The following ESR1 variants were observed in gnomAD, a reference collection of about 807,000 sequenced individuals.
The protein encoded by ESR1 is estrogen receptor.
In ESR1, 12 loss-of-function variants were observed where a neutral mutation model predicts 52.7. The observed-to-expected ratio is 0.23, with a 90% CI of 0.15 to 0.37. The LOEUF (loss-of-function observed/expected upper bound fraction) is 0.37. Among genes scored for constraint, ESR1 ranks in the 10% least tolerant of loss-of-function variants. The pLI, the probability that ESR1 is intolerant of heterozygous loss-of-function variation, is 1.00. For missense variants in ESR1, 584 were observed against 779.7 expected (o/e 0.75, Z 2.99); for synonymous variants, 305 against 316.8 (o/e 0.96, Z 0.39).
chr6:151,861,942 A>G (rs1351239110), intron 2 of ESR1, among the ~76,000 whole-genome samples: 1 of 152,190 alleles, frequency 6.6e-6, no homozygotes, highest in Non-Finnish European at 1.5e-5. Flanking sequence ...CTTAAGGGTA[A>G]AAATGGATTG....
At chr6:151,888,995 C>T (rs1447044981) in intron 3 of ESR1, among the ~76,000 whole-genome samples, 2 of 152,100 alleles carry the variant, frequency 1.3e-5, no homozygotes, top group Non-Finnish European at 2.9e-5. Flanking sequence ...GTTGAACCAT[C>T]GTTGCATCCC....
intron 6 of ESR1, among the ~76,000 whole-genome samples, chr6:152,074,606 ACACT>A (rs368500274): frequency 2.6e-5 from 4 of 152,286 alleles, no homozygotes; most frequent in African/African-American, 9.6e-5. Context: ...TTTTGGATAA[ACACT>A]CAGGAGCACA....
intron 2 of ESR1, among the ~76,000 whole-genome samples, chr6:151,772,698 G>T (rs569121395): frequency 3.0e-4 from 46 of 152,170 alleles, no homozygotes; most frequent in South Asian, 6.2e-4. Flanking sequence ...GAAAATCCCG[G>T]TTAGCAAATC....
chr6:151,789,366 A>G (rs578174042), intron 2 of ESR1, among the ~76,000 whole-genome samples: 2 of 152,366 alleles, frequency 1.3e-5, no homozygotes, highest in Admixed American at 1.3e-4. Context: ...ACATGTATCA[A>G]TACAATAGCA....
At chr6:151,724,077 G>A (rs1275447432) in intron 2 of ESR1, among the ~76,000 whole-genome samples, 4 of 152,118 alleles carry the variant, frequency 2.6e-5, no homozygotes, top group East Asian at 3.9e-4. Context: ...GTGGGGGCAG[G>A]GGCATGAGCA....
At chr6:151,759,079 A>G (rs1784474605) in intron 2 of ESR1, among the ~76,000 whole-genome samples, 1 of 151,996 alleles carries the variant, frequency 6.6e-6, no homozygotes, top group African/African-American at 2.4e-5. Context: ...GATCAAGACA[A>G]TCCTGGCCAA....
chr6:151,714,575 C>A (rs8180576), intron 2 of ESR1, among the ~76,000 whole-genome samples: 6,180 of 152,208 alleles, frequency 0.041, 560 homozygotes, highest in East Asian at 0.35. Flanking sequence ...GCATTGATAC[C>A]TTTACCATTA....
chr6:151,849,585 A>G (rs1785898333), intron 2 of ESR1, among the ~76,000 whole-genome samples: 1 of 151,898 alleles, frequency 6.6e-6, no homozygotes, highest in Admixed American at 6.6e-5. Context: ...TGGAGGTTGC[A>G]GTGAGCTGAG....
intron 3 of ESR1, among the ~76,000 whole-genome samples, chr6:151,896,544 T>C (rs1795535807): frequency 6.6e-6 from 1 of 152,200 alleles, no homozygotes; most frequent in Non-Finnish European, 1.5e-5. Context: ...TCCTGTTTGT[T>C]TCTAATTGAG....
At chr6:151,686,302 A>G (rs1053985408), upstream of ESR1, among the ~76,000 whole-genome samples, 14 of 152,074 alleles carry the variant, frequency 9.2e-5, no homozygotes, top group Non-Finnish European at 1.6e-4. Flanking sequence ...GTCATTGAGG[A>G]TGGGTCATAT....
At chr6:151,669,159 A>AGAGAGAGAGAGAGAGAGAGAGAGAGAGAG in intron 1 of ESR1, among the ~76,000 whole-genome samples, 1 of 123,120 alleles carries the variant, frequency 8.1e-6, no homozygotes, top group East Asian at 2.3e-4. Context: ...AGAGAGAGAG[A>AGAGAGAGAGAGAGAGAGAGAGAGAGAGAG]GAGAGAGAGA....
intron 4 of ESR1, among the ~76,000 whole-genome samples, chr6:151,954,354 T>C (rs1432169827): frequency 6.6e-6 from 1 of 152,186 alleles, no homozygotes; most frequent in African/African-American, 2.4e-5. Context: ...GCCTTGTCCT[T>C]TTAGTCTAGG....
intron 3 of ESR1, among the ~76,000 whole-genome samples, chr6:151,943,940 C>T (rs2035409314): frequency 6.6e-6 from 1 of 152,246 alleles, no homozygotes. Context: ...GTGGTATTTA[C>T]ACCATGAAAA....
intron 1 of ESR1, among the ~76,000 whole-genome samples, chr6:151,699,501 G>A (rs918371977): frequency 6.6e-6 from 1 of 152,172 alleles, no homozygotes; most frequent in African/African-American, 2.4e-5. Flanking sequence ...ACATCTGTGA[G>A]CTTAAACCTT....
chr6:151,915,292 G>A (rs1185875699), intron 3 of ESR1, among the ~76,000 whole-genome samples: 1 of 152,034 alleles, frequency 6.6e-6, no homozygotes, highest in Admixed American at 6.6e-5. Context: ...TACCAAGAAT[G>A]CATGGAATTC....
At chr6:151,752,299 A>AC (rs2128079892) in intron 2 of ESR1, among the ~76,000 whole-genome samples, 1 of 152,338 alleles carries the variant, frequency 6.6e-6, no homozygotes, top group African/African-American at 2.4e-5. Context: ...AATAAAGAAA[A>AC]ATTAGCAATG....
intron 3 of ESR1, among the ~76,000 whole-genome samples, chr6:151,909,561 G>T (rs536230914): frequency 6.6e-6 from 1 of 152,334 alleles, no homozygotes; most frequent in Non-Finnish European, 1.5e-5. Flanking sequence ...CAGGATGTCT[G>T]ACTATAAAGG....
intron 1 of ESR1, among the ~76,000 whole-genome samples, chr6:151,658,694 T>G (rs1777537458): frequency 8.2e-6 from 1 of 122,296 alleles, no homozygotes; most frequent in Non-Finnish European, 1.8e-5. Context: ...ACAGGAGATA[T>G]CATATCTTAG....
At chr6:151,694,434 C>T (rs1779174980) in intron 1 of ESR1, among the ~76,000 whole-genome samples, 1 of 152,160 alleles carries the variant, frequency 6.6e-6, no homozygotes, top group South Asian at 2.1e-4. Flanking sequence ...TGTGGCTCTT[C>T]ATGAGGATTA....
Sources: allele counts gnomAD v4.1 joint callset (sites outside exome capture counted in the v4.1 genomes callset), GRCh38; gene constraint gnomAD v4.1.1; transcripts MANE v1.5; gene names NCBI Gene and HGNC (gene_info 2026-07-23, HGNC 2026-07-21).